The following ASPRV1 variants were observed in gnomAD, a reference collection of about 807,000 sequenced individuals.
ASPRV1 encodes the protein retroviral-like aspartic protease 1.
A neutral mutation model predicts 11.0 loss-of-function variants in ASPRV1; 7 were observed. That is an observed-to-expected ratio of 0.64 (90% CI 0.36 to 1.20). ASPRV1 has a LOEUF of 1.20. Ranked by LOEUF, ASPRV1 falls within the 50% of genes most tolerant of loss-of-function variation. ASPRV1 has a pLI of 0.02. For missense variants in ASPRV1, 299 were observed against 320.0 expected, an observed-to-expected ratio of 0.93 and a Z score of 0.50; for synonymous variants, 136 against 138.4, an observed-to-expected ratio of 0.98 and a Z score of 0.12.
chr2:70,085,732 G>C, the ASPRV1 span: 1 of 152,332 alleles, frequency 6.6e-6, no homozygotes, highest in South Asian at 2.1e-4. Context: ...GGATGTGCTG[G>C]CACTGGCCAA....
At chr2:69,970,363 C>G in the ASPRV1 span, among the ~76,000 whole-genome samples, 1 of 152,180 alleles carries the variant, frequency 6.6e-6, no homozygotes, top group African/African-American at 2.4e-5. Context: ...CTCCATGGCT[C>G]TTCATCCCAA....
At chr2:69,958,029 G>C (rs572969552), downstream of ASPRV1, among the ~76,000 whole-genome samples, 3 of 152,268 alleles carry the variant, frequency 2.0e-5, no homozygotes, top group South Asian at 6.2e-4. Context: ...TGGGAGGCAG[G>C]TGTGAACTCC....
the ASPRV1 span, among the ~76,000 whole-genome samples, chr2:69,974,245 G>T: frequency 1.3e-5 from 2 of 151,918 alleles, no homozygotes; most frequent in South Asian, 4.2e-4. Context: ...GCTGAGGCAG[G>T]AGAATCCCTT....
the ASPRV1 span, chr2:70,063,871 G>GCTTGCCCTGTTC: frequency 3.3e-5 from 5 of 152,124 alleles, no homozygotes; most frequent in Non-Finnish European, 5.9e-5. Context: ...ATCCTGAATT[G>GCTTGCCCTGTTC]CTTGCCCTGT....
chr2:69,974,752 A>T, the ASPRV1 span, among the ~76,000 whole-genome samples: 1 of 152,260 alleles, frequency 6.6e-6, no homozygotes, highest in African/African-American at 2.4e-5. Flanking sequence ...AACTCTGGAC[A>T]GGAAGAAGGC....
the ASPRV1 span, among the ~76,000 whole-genome samples, chr2:70,068,605 C>T: frequency 1.3e-5 from 2 of 151,962 alleles, no homozygotes; most frequent in East Asian, 3.9e-4. Context: ...TAAGGAAGAT[C>T]TACAAATGAG....
chr2:70,044,096 C>T, the ASPRV1 span, among the ~76,000 whole-genome samples: 2 of 152,078 alleles, frequency 1.3e-5, no homozygotes, highest in Non-Finnish European at 2.9e-5. Flanking sequence ...CAGTCTGGTT[C>T]TCAGAAATCA....
At chr2:70,086,455 A>G in the ASPRV1 span, 2 of 152,254 alleles carry the variant, frequency 1.3e-5, no homozygotes, top group African/African-American at 4.8e-5. Context: ...CTTGAGCGAC[A>G]CTTCCTCAGC....
chr2:70,083,283 G>C, the ASPRV1 span, among the ~76,000 whole-genome samples: 1 of 152,196 alleles, frequency 6.6e-6, no homozygotes, highest in Non-Finnish European at 1.5e-5. Context: ...GCTGTGTAAC[G>C]TTGGGCAAGT....
the ASPRV1 span, chr2:69,975,361 GTC>G: frequency 6.5e-6 from 1 of 152,750 alleles, no homozygotes; most frequent in African/African-American, 2.4e-5. Context: ...TTCCTTTCAC[GTC>G]ACCTGACTCC....
At chr2:69,977,203 AT>A in the ASPRV1 span, among the ~76,000 whole-genome samples, 1 of 152,158 alleles carries the variant, frequency 6.6e-6, no homozygotes, top group Non-Finnish European at 1.5e-5. Context: ...AAGGAAAAAA[AT>A]TGGGCAAAAA....
chr2:69,979,046 G>A, the ASPRV1 span, among the ~76,000 whole-genome samples: 1 of 151,970 alleles, frequency 6.6e-6, no homozygotes. Flanking sequence ...GTTTGTTTTT[G>A]TTTTTTTGAG....
At chr2:69,982,419 G>T in the ASPRV1 span, among the ~76,000 whole-genome samples, 1 of 152,138 alleles carries the variant, frequency 6.6e-6, no homozygotes, top group East Asian at 1.9e-4. Context: ...TCCTGCCACT[G>T]CACTCCAGCC....
At chr2:70,030,344 G>C in the ASPRV1 span, 1 of 152,454 alleles carries the variant, frequency 6.6e-6, no homozygotes, top group Admixed American at 6.5e-5. Flanking sequence ...AGTGCTGAAG[G>C]AGTGAGCTTC....
chr2:69,964,641 G>A (rs982420130), upstream of ASPRV1: 5 of 226,666 alleles, frequency 2.2e-5, no homozygotes, highest in African/African-American at 4.5e-5. Context: ...ATAGGTATTG[G>A]GGCGGGACAC....
At chr2:69,974,001 T>C in the ASPRV1 span, among the ~76,000 whole-genome samples, 2 of 152,154 alleles carry the variant, frequency 1.3e-5, no homozygotes, top group African/African-American at 2.4e-5. Context: ...TTTCCACAGA[T>C]GTAATAGATG....
chr2:69,967,512 G>A, the ASPRV1 span, among the ~76,000 whole-genome samples: 3 of 152,188 alleles, frequency 2.0e-5, no homozygotes, highest in African/African-American at 7.2e-5. Context: ...GATAGTGAAG[G>A]CCCTGAGAAT....
the ASPRV1 span, among the ~76,000 whole-genome samples, chr2:70,036,189 G>C: frequency 6.6e-6 from 1 of 151,936 alleles, no homozygotes; most frequent in African/African-American, 2.4e-5. Flanking sequence ...CAGAAAAAGA[G>C]ACACCCTGTT....
the ASPRV1 span, among the ~76,000 whole-genome samples, chr2:70,055,376 C>T: frequency 6.6e-6 from 1 of 152,080 alleles, no homozygotes; most frequent in Admixed American, 6.6e-5. Flanking sequence ...AGACATGGAA[C>T]CAACCCAAAT....
Sources: gnomAD v4.1 joint callset for allele counts (sites outside exome capture counted in the v4.1 genomes callset) on GRCh38, gnomAD v4.1.1 for gene constraint, MANE v1.5 for transcripts, NCBI Gene and HGNC (gene_info 2026-07-23, HGNC 2026-07-21) for gene names.